The following PRICKLE1 variants were observed in gnomAD, a reference collection of about 807,000 sequenced individuals.
PRICKLE1 encodes prickle-like protein 1.
Under a neutral mutation model 70.2 loss-of-function variants are expected in PRICKLE1, and 14 were observed. That is an observed-to-expected ratio of 0.20 (90% CI 0.13 to 0.31). PRICKLE1 has a LOEUF of 0.31. Among genes scored for constraint, PRICKLE1 ranks in the 10% least tolerant of loss-of-function variants. The probability of loss-of-function intolerance (pLI) is 1.00; values close to 1 mark genes in which losing one functional copy is unlikely to be tolerated. For synonymous variants in PRICKLE1, 357 were observed against 379.9 expected (o/e 0.94, Z 0.70); for missense variants, 821 against 1,026.2 (o/e 0.80, Z 2.73).
chr12:42,507,449 C>T (rs1939440314), intron 1 of PRICKLE1, among the ~76,000 whole-genome samples: 1 of 152,212 alleles, frequency 6.6e-6, no homozygotes, highest in South Asian at 2.1e-4. Flanking sequence ...GTTATTTGCC[C>T]TAAAGTGACC....
At chr12:42,553,731 T>C (rs1940366255) in intron 1 of PRICKLE1, among the ~76,000 whole-genome samples, 1 of 152,118 alleles carries the variant, frequency 6.6e-6, no homozygotes, top group African/African-American at 2.4e-5. Context: ...CTGCTGGGGT[T>C]CAAGTCTGGT....
rs190884107 is a variant in PRICKLE1 at position 42,526,929 on chromosome 12, A to T, written c.-48-54365T>A. Among the ~76,000 whole-genome samples, 338 of 152,186 alleles carry T rather than the reference A, an allele frequency of 2.2e-3. 1 individual carries two copies. Among genetic ancestry groups the T allele is most frequent in the Middle Eastern group, 6.8e-3 (2 of 294 alleles). On this transcript the variant is annotated intron_variant, in intron 1 of 7. Transcript: ENST00000345127. The stretch of plus-strand genomic sequence containing the variant: ...AATTACCAGATGGAATCAAGAGACT[A>T]TGTATGCTGCTTGAATGATATAGGG...
At chr12:42,525,469 G>C (rs1443908699) in intron 1 of PRICKLE1, among the ~76,000 whole-genome samples, 1 of 152,216 alleles carries the variant, frequency 6.6e-6, no homozygotes, top group Non-Finnish European at 1.5e-5. Flanking sequence ...TACTGGCCTT[G>C]AAAGTGGGGA....
chr12:42,475,434 T>C (rs369847586), intron 1 of PRICKLE1, among the ~76,000 whole-genome samples: 12 of 152,248 alleles, frequency 7.9e-5, no homozygotes, highest in African/African-American at 2.6e-4. Context: ...TCAGGGTCAA[T>C]TGCCCAAGGT....
intron 1 of PRICKLE1, among the ~76,000 whole-genome samples, chr12:42,528,700 T>C (rs1939856507): frequency 6.6e-6 from 1 of 152,210 alleles, no homozygotes; most frequent in Admixed American, 6.5e-5. Flanking sequence ...TAATTAGAAA[T>C]GTTCAGAATA....
intron 1 of PRICKLE1, among the ~76,000 whole-genome samples, chr12:42,530,680 ATT>A (rs34675637): frequency 1.3e-3 from 122 of 97,102 alleles, no homozygotes; most frequent in Middle Eastern, 7.1e-3. Context: ...TTATCAAATA[ATT>A]TTTTTTTTTT....
At chr12:42,509,221 A>G (rs1481981977) in intron 1 of PRICKLE1, among the ~76,000 whole-genome samples, 1 of 152,238 alleles carries the variant, frequency 6.6e-6, no homozygotes, top group Non-Finnish European at 1.5e-5. Context: ...TAAGGCATTT[A>G]CCCTAAATTC....
At chr12:42,466,910 C>A (rs570126415) in intron 5 of PRICKLE1, among the ~76,000 whole-genome samples, 1 of 152,228 alleles carries the variant, frequency 6.6e-6, no homozygotes, top group East Asian at 1.9e-4. Flanking sequence ...CAGGGTCTCA[C>A]TTGTAGCCCA....
chr12:42,463,358 A>G (rs1007218306), intron 7 of PRICKLE1, among the ~76,000 whole-genome samples: 1 of 152,108 alleles, frequency 6.6e-6, no homozygotes, highest in Admixed American at 6.5e-5. Context: ...TTTAGAATCT[A>G]AATAAAAAGT....
intron 1 of PRICKLE1, among the ~76,000 whole-genome samples, chr12:42,477,526 ATATATAT>A (rs1938615860): frequency 2.6e-5 from 2 of 75,956 alleles, no homozygotes; most frequent in African/African-American, 1.1e-4. Flanking sequence ...ATATATATAT[ATATATAT>A]GACCTCACAA....
At chr12:42,516,197 T>C (rs1291492974) in intron 1 of PRICKLE1, among the ~76,000 whole-genome samples, 1 of 152,056 alleles carries the variant, frequency 6.6e-6, no homozygotes, top group African/African-American at 2.4e-5. Context: ...AGTGGTGCAA[T>C]CTCGGCTCAC....
At chr12:42,479,942 G>A (rs956330301) in intron 1 of PRICKLE1, among the ~76,000 whole-genome samples, 1 of 150,936 alleles carries the variant, frequency 6.6e-6, no homozygotes. Flanking sequence ...CAACAAGAGC[G>A]AAACTCCATC....
chr12:42,533,649 G>A (rs909472989), intron 1 of PRICKLE1, among the ~76,000 whole-genome samples: 2 of 152,078 alleles, frequency 1.3e-5, no homozygotes, highest in Non-Finnish European at 2.9e-5. Context: ...TAGGCAACGT[G>A]ACCAACACCT....
At chr12:42,536,256 A>T (rs17488286) in intron 1 of PRICKLE1, among the ~76,000 whole-genome samples, 2,706 of 152,328 alleles carry the variant, frequency 0.018, 63 homozygotes, top group South Asian at 0.086. Flanking sequence ...AGAAATGAAG[A>T]TGCTAAAGAA....
intron 1 of PRICKLE1, among the ~76,000 whole-genome samples, chr12:42,487,590 G>T (rs1442992701): frequency 6.6e-6 from 1 of 152,180 alleles, no homozygotes; most frequent in Non-Finnish European, 1.5e-5. Flanking sequence ...TGGGTTTGAA[G>T]TTAGGAGACT....
At position 42,577,338 on chromosome 12, in the gene PRICKLE1, C is replaced by A. The variant is rs1261559553; in HGVS notation, c.-49+12127G>T. Among the ~76,000 whole-genome samples, 4 of 151,890 alleles carry A rather than the reference C, an allele frequency of 2.6e-5. No homozygotes were observed. The South Asian group carries it at 6.2e-4, about 24-fold the overall frequency. On this transcript the variant is annotated intron_variant, in intron 1 of 7. Coordinates refer to ENST00000345127, the MANE Select transcript of PRICKLE1 (RefSeq NM_153026.3). ...CTGTCACATTGAACTCTAAGGTAAA[C>A]TATAAACCAGACTTTTGATCAGGGG...
intron 1 of PRICKLE1, among the ~76,000 whole-genome samples, chr12:42,552,717 A>G (rs749286847): frequency 1.3e-5 from 2 of 152,230 alleles, no homozygotes; most frequent in Admixed American, 6.5e-5. Flanking sequence ...TTAGGAACGT[A>G]TGTAAAGACC....
rs1337547469 is a variant in PRICKLE1 at position 42,459,210 on chromosome 12, A to G, written c.*599T>C. 5 of 691,570 alleles carry G rather than the reference A, an allele frequency of 7.2e-6. No individual in the cohort carries two copies. Among genetic ancestry groups the G allele is most frequent in the African/African-American group, 1.8e-5 (1 of 56,366 alleles). The allele number at this position is 691,570 out of a possible 1,614,324, so 42.8% of individuals were successfully genotyped here. On this transcript the variant is annotated 3_prime_UTR_variant, in exon 8 of 8. Transcript: ENST00000345127. ...ATATTTGCACCGTTAAATTAGGAAT[A>G]CACTTAAGTCTATGAAATACTAAGT... is the stretch of plus-strand genomic sequence containing the variant.
Position 42,459,425 on chromosome 12 carries a change from ACT to A in PRICKLE1, c.*382_*383del. The A allele has an allele frequency of 1.4e-6, 1 of 694,392 alleles. No homozygotes were observed. Among genetic ancestry groups the A allele is most frequent in the South Asian group, 1.5e-5 (1 of 66,262 alleles). 43.0% of individuals were successfully genotyped at this position (694,392 alleles called of 1,614,324 possible). A position where few individuals can be genotyped will look rare whatever the true frequency, so the allele number is the denominator to read the frequency against. ...GACTATCAAGACCTGAGCCGACCTG[ACT>A]TACATAAATGACAAACACTAGTGCT... On this transcript the variant is annotated 3_prime_UTR_variant, in exon 8 of 8. Coordinates refer to ENST00000345127, the MANE Select transcript of PRICKLE1 (RefSeq NM_153026.3).
Sources: allele counts gnomAD v4.1 joint callset (sites outside exome capture counted in the v4.1 genomes callset), GRCh38; gene constraint gnomAD v4.1.1; transcripts MANE v1.5; gene names NCBI Gene and HGNC (gene_info 2026-07-23, HGNC 2026-07-21).